Variants in CNTNAP5 observed in about 807,000 individuals in gnomAD.
CNTNAP5 encodes the protein contactin-associated protein-like 5.
Under a neutral mutation model 150.2 loss-of-function variants are expected in CNTNAP5, and 72 were observed. The observed-to-expected ratio is 0.48, with a 90% CI of 0.40 to 0.58. The LOEUF (loss-of-function observed/expected upper bound fraction) is 0.58, where lower values mean the gene tolerates loss of function less well. CNTNAP5 is among the 20% of genes least tolerant of loss of function. The pLI is 0.00. For synonymous variants in CNTNAP5, 672 were observed against 619.8 expected, an observed-to-expected ratio of 1.08 and a Z score of -1.25; for missense variants, 1,636 against 1,626.2, an observed-to-expected ratio of 1.01 and a Z score of -0.10.
intron 19 of CNTNAP5, among the ~76,000 whole-genome samples, chr2:124,801,364 C>T (rs1399980872): frequency 1.3e-5 from 2 of 152,136 alleles, no homozygotes; most frequent in South Asian, 2.1e-4. Context: ...CACATTTCTA[C>T]AGCAATCTAA....
At chr2:124,724,282 G>A (rs548984275) in intron 13 of CNTNAP5, among the ~76,000 whole-genome samples, 1 of 152,130 alleles carries the variant, frequency 6.6e-6, no homozygotes, top group African/African-American at 2.4e-5. Context: ...CCATGTGGTT[G>A]ATTATAAAGA....
intron 11 of CNTNAP5, among the ~76,000 whole-genome samples, chr2:124,584,138 C>G (rs1012690125): frequency 2.6e-5 from 4 of 152,184 alleles, no homozygotes; most frequent in African/African-American, 9.7e-5. Flanking sequence ...GCCTACTTCT[C>G]TGACAGCCTA....
intron 10 of CNTNAP5, among the ~76,000 whole-genome samples, chr2:124,530,274 C>T (rs1206029666): frequency 6.6e-6 from 1 of 152,206 alleles, no homozygotes; most frequent in Non-Finnish European, 1.5e-5. Context: ...GGCACCTCTA[C>T]ACTCCAGCCT....
At chr2:124,413,599 G>A (rs1691835975) in intron 3 of CNTNAP5, among the ~76,000 whole-genome samples, 1 of 127,798 alleles carries the variant, frequency 7.8e-6, no homozygotes, top group Non-Finnish European at 1.6e-5. Context: ...GATGAAATTG[G>A]AAATCATCAT....
chr2:124,670,230 TTTCTTTCTTTTC>T (rs1185612235), intron 13 of CNTNAP5, among the ~76,000 whole-genome samples: 9 of 137,756 alleles, frequency 6.5e-5, no homozygotes, highest in African/African-American at 2.6e-4. Flanking sequence ...TCTTTCTTTC[TTTCTTTCTTTTC>T]TTTCTTTCTT....
chr2:124,244,832 T>A (rs1414026172), intron 3 of CNTNAP5, among the ~76,000 whole-genome samples: 1 of 152,140 alleles, frequency 6.6e-6, no homozygotes, highest in Non-Finnish European at 1.5e-5. Context: ...ATTCTTTATG[T>A]ATATTAAATT....
chr2:124,656,222 G>A (rs1298912927), intron 13 of CNTNAP5, among the ~76,000 whole-genome samples: 1 of 152,082 alleles, frequency 6.6e-6, no homozygotes, highest in African/African-American at 2.4e-5. Context: ...GAAATGCAGT[G>A]AATACAGGGC....
chr2:124,263,100 C>T (rs143333065), intron 3 of CNTNAP5, among the ~76,000 whole-genome samples: 559 of 152,246 alleles, frequency 3.7e-3, no homozygotes, highest in Non-Finnish European at 6.6e-3. Flanking sequence ...AATAGTGCCA[C>T]AATAAACATA....
At chr2:124,732,831 A>G (rs995884525) in intron 13 of CNTNAP5, among the ~76,000 whole-genome samples, 2 of 152,288 alleles carry the variant, frequency 1.3e-5, no homozygotes, top group East Asian at 1.9e-4. Flanking sequence ...CTTACATAAG[A>G]GTTCTCACCC....
intron 19 of CNTNAP5, among the ~76,000 whole-genome samples, chr2:124,814,586 C>T (rs1360502173): frequency 1.3e-5 from 2 of 151,226 alleles, no homozygotes; most frequent in African/African-American, 2.4e-5. Context: ...ATTTTTTTTT[C>T]AAGCAAAAGA....
At chr2:124,629,936 C>CAAAAAAAAAAAAAA (rs70996084) in intron 12 of CNTNAP5, among the ~76,000 whole-genome samples, 30 of 67,712 alleles carry the variant, frequency 4.4e-4, no homozygotes, top group Non-Finnish European at 6.0e-4. Flanking sequence ...CACCTCTATG[C>CAAAAAAAAAAAAAA]AAAAAAAAAA....
chr2:124,179,315 A>G (rs1685153226), intron 1 of CNTNAP5, among the ~76,000 whole-genome samples: 1 of 152,068 alleles, frequency 6.6e-6, no homozygotes, highest in Admixed American at 6.6e-5. Context: ...ATGTGCCACC[A>G]TGCCCGGCTA....
intron 1 of CNTNAP5, among the ~76,000 whole-genome samples, chr2:124,104,239 A>G (rs1431186610): frequency 6.6e-6 from 1 of 152,070 alleles, no homozygotes; most frequent in Non-Finnish European, 1.5e-5. Flanking sequence ...CCATGTATGT[A>G]TCACACATTC....
intron 1 of CNTNAP5, among the ~76,000 whole-genome samples, chr2:124,109,338 TG>T (rs1375694529): frequency 6.6e-6 from 1 of 152,042 alleles, no homozygotes; most frequent in African/African-American, 2.4e-5. Context: ...GCTGCCATCC[TG>T]TACTCGAGGC....
intron 10 of CNTNAP5, among the ~76,000 whole-genome samples, chr2:124,544,943 G>C (rs1049840224): frequency 6.6e-6 from 1 of 152,008 alleles, no homozygotes; most frequent in Non-Finnish European, 1.5e-5. Context: ...CAGGAGACAA[G>C]GGCTTATCAC....
intron 10 of CNTNAP5, among the ~76,000 whole-genome samples, chr2:124,543,865 GT>G (rs2104909236): frequency 1.3e-5 from 2 of 152,016 alleles, no homozygotes; most frequent in South Asian, 4.2e-4. Context: ...CTCCTTTGAT[GT>G]TTTACCGTAC....
At chr2:124,446,597 T>A (rs945280504) in intron 5 of CNTNAP5, among the ~76,000 whole-genome samples, 156 bp from the exon 6 acceptor site, 1 of 152,156 alleles carries the variant, frequency 6.6e-6, no homozygotes, top group African/African-American at 2.4e-5. Context: ...GCCAAGCCTG[T>A]TATTCCTTCC....
At position 124,620,995 on chromosome 2, in the gene CNTNAP5, C is replaced by G. The variant is rs192441965; in HGVS notation, c.1876+11075C>G. Reference sequence around the variant, plus strand: ...TAGGCACCATGAGATTTCAGAGGCTCTTGGAGCCTGGAGAGAGCATTTCTG... The same window carrying G: ...TAGGCACCATGAGATTTCAGAGGCTGTTGGAGCCTGGAGAGAGCATTTCTG... On this transcript the variant is annotated intron_variant, in intron 12 of 23. Transcript: ENST00000682447. Among the ~76,000 whole-genome samples, 3 of 152,192 alleles carry G rather than the reference C, an allele frequency of 2.0e-5. No homozygotes were observed. In the East Asian group the frequency reaches 5.8e-4, roughly 29 times the overall value.
intron 19 of CNTNAP5, among the ~76,000 whole-genome samples, chr2:124,837,045 T>G (rs1682844192): frequency 6.6e-6 from 1 of 151,944 alleles, no homozygotes; most frequent in Non-Finnish European, 1.5e-5. Context: ...GAGGGGATCG[T>G]GAACTATTCA....
Sources: allele counts gnomAD v4.1 joint callset (sites outside exome capture counted in the v4.1 genomes callset), GRCh38; gene constraint gnomAD v4.1.1; transcripts MANE v1.5; gene names NCBI Gene and HGNC (gene_info 2026-07-23, HGNC 2026-07-21).